ODAD2: variants seen among roughly 807,000 people sequenced by gnomAD.
ODAD2 encodes the protein outer dynein arm-docking complex subunit 2.
A neutral mutation model predicts 106.8 loss-of-function variants in ODAD2; 89 were observed. The ratio of observed to expected loss-of-function variants is 0.83; its 90% CI spans 0.70 to 0.99. The LOEUF (loss-of-function observed/expected upper bound fraction) is 0.99, where lower values mean the gene tolerates loss of function less well. Among genes scored for constraint, ODAD2 ranks in the 50% least tolerant of loss-of-function variants. ODAD2 has a pLI of 0.00. For synonymous variants in ODAD2, 404 were observed against 436.2 expected (o/e 0.93, Z 0.92); for missense variants, 1,168 against 1,238.5 (o/e 0.94, Z 0.85).
chr10:27,886,461 G>T (rs902257421), intron 17 of ODAD2, among the ~76,000 whole-genome samples: 1 of 151,986 alleles, frequency 6.6e-6, no homozygotes, highest in South Asian at 2.1e-4. Context: ...CTAACCTAGA[G>T]AAACAAGTTG....
At chr10:27,829,374 T>C (rs1201087850) in intron 19 of ODAD2, among the ~76,000 whole-genome samples, 3 of 152,222 alleles carry the variant, frequency 2.0e-5, no homozygotes, top group Admixed American at 1.3e-4. Context: ...AATTGCTTTT[T>C]TCAAACTCCC....
intron 8 of ODAD2, 34 bp downstream of exon 8, chr10:27,971,074 C>T (rs1384473390): frequency 7.0e-7 from 1 of 1,426,134 alleles, no homozygotes; most frequent in Non-Finnish European, 9.8e-7. Context: ...GTTACTAATG[C>T]TGCATCTGAA....
chr10:27,841,549 C>A (rs978377187), intron 19 of ODAD2, among the ~76,000 whole-genome samples: 1 of 152,184 alleles, frequency 6.6e-6, no homozygotes, highest in Non-Finnish European at 1.5e-5. Flanking sequence ...GTGCCCGCCA[C>A]CATGCCCGGC....
At chr10:27,964,019 T>C (rs1048051759) in intron 9 of ODAD2, among the ~76,000 whole-genome samples, 3 of 152,106 alleles carry the variant, frequency 2.0e-5, no homozygotes, top group Non-Finnish European at 4.4e-5. Flanking sequence ...GTTGGGAGTT[T>C]GAGACCAGCC....
At chr10:27,881,720 C>T (rs1841722185) in intron 17 of ODAD2, among the ~76,000 whole-genome samples, 1 of 152,218 alleles carries the variant, frequency 6.6e-6, no homozygotes, top group African/African-American at 2.4e-5. Context: ...ATAACTAAAA[C>T]CACTTTTATT....
At chr10:27,971,437 T>A in intron 7 of ODAD2, 124 bp from the exon 8 acceptor site, 1 of 775,536 alleles carries the variant, frequency 1.3e-6, no homozygotes, top group Non-Finnish European at 2.0e-6. Context: ...TGGTCCTTAG[T>A]AACAGCTAAA....
At chr10:27,824,490 C>G (rs375965478) in intron 19 of ODAD2, among the ~76,000 whole-genome samples, 16 of 152,208 alleles carry the variant, frequency 1.1e-4, no homozygotes, top group South Asian at 2.1e-4. Flanking sequence ...TTGACAGATG[C>G]TGGTGCCATG....
At chr10:27,985,446 C>T (rs1365496676) in intron 3 of ODAD2, among the ~76,000 whole-genome samples, 1 of 152,188 alleles carries the variant, frequency 6.6e-6, no homozygotes, top group African/African-American at 2.4e-5. Context: ...CTATATATCT[C>T]CCTAATAGCA....
chr10:27,918,641 A>G (rs1174745147), intron 16 of ODAD2, among the ~76,000 whole-genome samples: 1 of 151,938 alleles, frequency 6.6e-6, no homozygotes, highest in Non-Finnish European at 1.5e-5. Flanking sequence ...TTAGGTACAG[A>G]ACATATATGT....
intron 16 of ODAD2, among the ~76,000 whole-genome samples, chr10:27,930,626 C>CA (rs60344337): frequency 0.13 from 11,607 of 91,932 alleles, 530 homozygotes; most frequent in African/African-American, 0.2. Flanking sequence ...GACTCTGTCT[C>CA]AAAAAAAAAA....
intron 17 of ODAD2, among the ~76,000 whole-genome samples, chr10:27,896,275 A>ATTG (rs1298207008): frequency 6.6e-6 from 1 of 152,204 alleles, no homozygotes; most frequent in African/African-American, 2.4e-5. Context: ...GCCAGTGCTC[A>ATTG]TTGTTGAAAT....
intron 17 of ODAD2, among the ~76,000 whole-genome samples, chr10:27,864,489 T>C (rs987848124): frequency 9.3e-5 from 13 of 139,238 alleles, no homozygotes; most frequent in Non-Finnish European, 1.5e-4. Flanking sequence ...AATTAGAGAG[T>C]GAGGAGTGAA....
intron 17 of ODAD2, among the ~76,000 whole-genome samples, chr10:27,903,253 T>C (rs766183879): frequency 2.0e-5 from 3 of 152,176 alleles, no homozygotes; most frequent in Non-Finnish European, 4.4e-5. Context: ...TCAACACTCA[T>C]TCATGCTAAA....
chr10:27,978,447 C>T (rs1369620445), intron 7 of ODAD2, among the ~76,000 whole-genome samples: 1 of 152,096 alleles, frequency 6.6e-6, no homozygotes, highest in African/African-American at 2.4e-5. Flanking sequence ...TTTTCCCTCC[C>T]ATGTGCATAT....
intron 16 of ODAD2, among the ~76,000 whole-genome samples, chr10:27,929,614 G>A (rs1248715844): frequency 2.0e-5 from 3 of 152,032 alleles, no homozygotes; most frequent in Non-Finnish European, 4.4e-5. Context: ...GTTTTTTCAG[G>A]GAGAGCTAGA....
chr10:27,891,791 A>G (rs935792863), intron 17 of ODAD2, among the ~76,000 whole-genome samples: 1 of 152,190 alleles, frequency 6.6e-6, no homozygotes, highest in Non-Finnish European at 1.5e-5. Context: ...TTAAGAAAAA[A>G]TGTTTCTTAC....
intron 9 of ODAD2, among the ~76,000 whole-genome samples, chr10:27,964,974 T>C (rs936878995): frequency 6.6e-6 from 1 of 152,212 alleles, no homozygotes; most frequent in Non-Finnish European, 1.5e-5. Flanking sequence ...AGGGTACTTC[T>C]GGTGATAATT....
intron 14 of ODAD2, among the ~76,000 whole-genome samples, chr10:27,937,411 C>G (rs1373140460): frequency 6.7e-6 from 1 of 148,572 alleles, no homozygotes; most frequent in East Asian, 2.0e-4. Flanking sequence ...GATCTCGACT[C>G]ACTGCAACCT....
chr10:27,944,288 G>A lies in ODAD2; in HGVS notation c.1677C>T (p.Ile559=), dbSNP rs182410357. 32 of 1,613,990 alleles carry A rather than the reference G, an allele frequency of 2.0e-5. No homozygotes were observed. The highest frequency in any genetic ancestry group is 3.3e-4 in the Middle Eastern group (2 of 6,036). Residue 559 remains isoleucine (I), a synonymous_variant, in exon 12 of 20, where the codon ATC becomes ATT. Transcript: ENST00000305242. ...CTCTTTTAAACTTGGCAACATTCGC[G>A]ATAGTCTCGGCTGCCAAACATTTTA... is the stretch of plus-strand genomic sequence containing the variant. The part of the protein sequence containing the change: ...KSLKCLAAET[I]ANVAKFKRAR...
Sources: gnomAD v4.1 joint callset for allele counts (sites outside exome capture counted in the v4.1 genomes callset) on GRCh38, gnomAD v4.1.1 for gene constraint, MANE v1.5 for transcripts, NCBI Gene and HGNC (gene_info 2026-07-23, HGNC 2026-07-21) for gene names.